Variants in KDM3A observed in about 807,000 individuals in gnomAD.
KDM3A encodes lysine demethylase 3A.
In KDM3A, 60 loss-of-function variants were observed where a neutral mutation model predicts 158.0. That is an observed-to-expected ratio of 0.38 (90% CI 0.31 to 0.47). KDM3A has a LOEUF of 0.47. Ranked by LOEUF, KDM3A falls within the 20% of genes least tolerant of loss-of-function variation. The pLI is 0.99. For missense variants in KDM3A, 1,319 were observed against 1,574.3 expected (o/e 0.84, Z 2.74); for synonymous variants, 608 against 549.3 (o/e 1.11, Z -1.49).
intron 3 of KDM3A, among the ~76,000 whole-genome samples, chr2:86,450,775 T>TAAAC (rs1291617799): frequency 1.3e-5 from 2 of 152,184 alleles, no homozygotes; most frequent in African/African-American, 4.8e-5. Flanking sequence ...TTTTTCCAGC[T>TAAAC]GTTTAGAACT....
At chr2:86,444,133 C>T (rs571738638) in intron 2 of KDM3A, among the ~76,000 whole-genome samples, 31 of 152,272 alleles carry the variant, frequency 2.0e-4, no homozygotes, top group African/African-American at 7.5e-4. Flanking sequence ...CCCTCCGCCC[C>T]CATCCTTTGA....
chr2:86,478,577 G>C, intron 14 of KDM3A, 31 bp from the exon 15 acceptor site: 2 of 1,611,864 alleles, frequency 1.2e-6, no homozygotes, highest in Middle Eastern at 1.7e-4. Context: ...TAATATCCTT[G>C]TTCAGATGTT....
Position 86,466,746 on chromosome 2 carries a change from G to C in KDM3A, c.1382G>C (p.Ser461Thr), listed in dbSNP as rs1673170246. 4 of 1,613,898 alleles carry C rather than the reference G, an allele frequency of 2.5e-6. No homozygotes were observed. The East Asian group carries it at 8.9e-5, about 36-fold the overall frequency. Residue 461 changes from serine (S) to threonine (T), a missense_variant, in exon 10 of 26, where the codon AGT becomes ACT. Transcript: ENST00000312912. The part of the protein sequence containing the change: ...NAPEVKAGVN[S>T]DSPNNCSGKK... ...CCAGAAGTGAAAGCAGGTGTCAATA[G>C]TGATAGCCCTAATAACTGTTCAGGA...
At chr2:86,471,589 C>A (rs1005242305) in intron 11 of KDM3A, among the ~76,000 whole-genome samples, 1 of 152,058 alleles carries the variant, frequency 6.6e-6, no homozygotes, top group Non-Finnish European at 1.5e-5. Context: ...ATTTCAATTC[C>A]TATTCTCCTC....
chr2:86,454,577 C>T (rs1319209819), intron 4 of KDM3A, among the ~76,000 whole-genome samples: 1 of 151,920 alleles, frequency 6.6e-6, no homozygotes, highest in Non-Finnish European at 1.5e-5. Context: ...GTAGGTTACA[C>T]AGTGTATTAT....
chr2:86,484,729 AT>A, intron 19 of KDM3A: 6 of 485,614 alleles, frequency 1.2e-5, no homozygotes, highest in East Asian at 3.3e-5. Context: ...GTACAAATGG[AT>A]TTTTTTACAC....
chr2:86,437,385 G>A (rs1309213652), upstream of KDM3A, among the ~76,000 whole-genome samples: 1 of 152,066 alleles, frequency 6.6e-6, no homozygotes, highest in Non-Finnish European at 1.5e-5. Flanking sequence ...GAAGTGATCT[G>A]CCACCTCAGC....
intron 9 of KDM3A, among the ~76,000 whole-genome samples, chr2:86,465,984 C>T (rs73949511): frequency 0.014 from 2,170 of 150,888 alleles, 67 homozygotes; most frequent in African/African-American, 0.051. Flanking sequence ...CGGAATTGCC[C>T]CTACACAGAC....
At chr2:86,446,705 G>A (rs1482092313) in intron 2 of KDM3A, among the ~76,000 whole-genome samples, 3 of 152,184 alleles carry the variant, frequency 2.0e-5, no homozygotes, top group Non-Finnish European at 2.9e-5. Context: ...TTGAGACTCT[G>A]TCTCAAAAAA....
In KDM3A at chr2:86,455,049, G is replaced by A. The variant is rs1672629521; in HGVS notation, c.454-36G>A. 3.3e-6 allele frequency: 4 copies of A among 1,223,634 alleles called. No homozygotes were observed. In the African/African-American group the frequency reaches 6.2e-5, roughly 19 times the overall value. The allele number at this position is 1,223,634 out of a possible 1,614,324, so 75.8% of individuals were successfully genotyped here. On this transcript the variant is annotated intron_variant, in intron 4 of 25. Transcript: ENST00000312912. ...ATTTAAATAACTCTTCTTATTAACT[G>A]TTACCCTTAACATGTAATGATCTTT...
At chr2:86,481,131 G>A (rs1271526928) in intron 16 of KDM3A, among the ~76,000 whole-genome samples, 2 of 152,172 alleles carry the variant, frequency 1.3e-5, no homozygotes, top group African/African-American at 2.4e-5. Flanking sequence ...GTAAAATTCA[G>A]TACCTGTTAA....
intron 9 of KDM3A, 87 bp from the exon 10 acceptor site, chr2:86,466,285 C>G (rs766692663): frequency 6.6e-6 from 9 of 1,358,294 alleles, no homozygotes; most frequent in Non-Finnish European, 9.0e-6. Flanking sequence ...TACTCGTTAC[C>G]TTAGGGAACC....
At position 86,485,857 on chromosome 2, in the gene KDM3A, ATGGT is replaced by A; in HGVS notation, c.3312_3313+2del. Reference sequence around the variant, plus strand: ...CTGGGCCCCAAGATGTATAATGCTTATGGTAAGGAGGAGATGGCTAACTTTAAAA... The same window carrying A: ...CTGGGCCCCAAGATGTATAATGCTTAAAGGAGGAGATGGCTAACTTTAAAA... On this transcript the variant is annotated splice_donor_variant and coding_sequence_variant, in exon 21 of 26. Coordinates refer to ENST00000312912, the MANE Select transcript of KDM3A (RefSeq NM_018433.6). LOFTEE classifies it high-confidence loss of function. 6.2e-7 allele frequency: 1 copy of A among 1,612,208 alleles called. No homozygotes were observed. The highest frequency in any genetic ancestry group is 8.5e-7 in the Non-Finnish European group (1 of 1,178,386).
At chr2:86,455,303 T>C (rs1236284342) in intron 5 of KDM3A, 116 bp downstream of exon 5, 2 of 661,740 alleles carry the variant, frequency 3.0e-6, no homozygotes, top group Non-Finnish European at 2.6e-6. Context: ...TCTTTTTTTT[T>C]TTTTTTGAGA....
chr2:86,477,778 G>A, intron 12 of KDM3A, 99 bp from the exon 13 acceptor site: 1 of 1,143,908 alleles, frequency 8.7e-7, no homozygotes, highest in Non-Finnish European at 1.2e-6. Flanking sequence ...TTAATTTGAA[G>A]TCTAGTCACA....
intron 2 of KDM3A, among the ~76,000 whole-genome samples, chr2:86,445,423 G>T (rs1418866494): frequency 6.6e-6 from 1 of 152,056 alleles, no homozygotes; most frequent in Non-Finnish European, 1.5e-5. Flanking sequence ...AGCTGATTTT[G>T]TTCACATAAT....
At chr2:86,439,745 G>C (rs968013578), upstream of KDM3A, among the ~76,000 whole-genome samples, 1 of 152,110 alleles carries the variant, frequency 6.6e-6, no homozygotes, top group Non-Finnish European at 1.5e-5. Flanking sequence ...GATAGGCCAT[G>C]TTTTTAGATT....
In KDM3A at chr2:86,477,949, A is replaced by G. The variant is rs1235861010; in HGVS notation, c.2012A>G (p.Asn671Ser). The G allele has an allele frequency of 4.3e-6, 7 of 1,614,018 alleles. No individual in the cohort carries two copies. In the East Asian group the frequency reaches 1.1e-4, roughly 26 times the overall value. ...MCDVCDTTIF[N>S]LHWVCPRCGF... ...GATGTGTGCGACACCACCATCTTCA[A>G]CCTGCACTGGGTGTGTCCTCGGTGT... is the stretch of plus-strand genomic sequence containing the variant. Residue 671 changes from asparagine to serine, a missense_variant, in exon 13 of 26, where the codon AAC (asparagine) becomes AGC (serine). Transcript: ENST00000312912.
In KDM3A at chr2:86,482,493, T is replaced by G. The variant is rs1232603170; in HGVS notation, c.2721T>G (p.Leu907=). The G allele has an allele frequency of 8.1e-6, 13 of 1,614,166 alleles. 1 individual carries two copies. The South Asian group carries it at 1.4e-4, about 18-fold the overall frequency. ...GACTCAAGAATACACCAAAAATCCT[T>G]GATGACATCTTTGCCTCTTTGGTGC... ...ENGLKNTPKI[L]DDIFASLVQN... The change falls in exon 18 of 26, where the codon CTT becomes CTG. Residue 907 remains leucine, a synonymous_variant. Transcript: ENST00000312912.
Sources: gnomAD v4.1 joint callset for allele counts (sites outside exome capture counted in the v4.1 genomes callset) on GRCh38, gnomAD v4.1.1 for gene constraint, MANE v1.5 for transcripts, NCBI Gene and HGNC (gene_info 2026-07-23, HGNC 2026-07-21) for gene names.